ASTN2: variants seen among roughly 807,000 people sequenced by gnomAD.
The protein encoded by ASTN2 is astrotactin 2.
In ASTN2, 54 loss-of-function variants were observed where a neutral mutation model predicts 139.8. The observed-to-expected ratio is 0.39, with a 90% CI of 0.31 to 0.48. The LOEUF (loss-of-function observed/expected upper bound fraction) is 0.48. Ranked by LOEUF, ASTN2 falls within the 20% of genes least tolerant of loss-of-function variation. The probability of loss-of-function intolerance (pLI) is 0.95; values close to 1 mark genes in which losing one functional copy is unlikely to be tolerated. For synonymous variants in ASTN2, 756 were observed against 719.5 expected (o/e 1.05, Z -0.81); for missense variants, 1,565 against 1,725.1 (o/e 0.91, Z 1.64).
chr9:116,609,744 A>G (rs970346389), intron 19 of ASTN2, among the ~76,000 whole-genome samples: 8 of 152,066 alleles, frequency 5.3e-5, no homozygotes, highest in Admixed American at 1.3e-4. Context: ...ATAATTAAGA[A>G]AAAACAATAA....
rs755585069 is a variant in ASTN2 at position 116,765,401 on chromosome 9, G to A, written c.2397-31878C>T. Reference sequence around the variant, plus strand: ...AGCTCAGTACTTTCCTTAAGCCACCGCATTAGGGACTTGAAGTGTAAACTA... The same window carrying A: ...AGCTCAGTACTTTCCTTAAGCCACCACATTAGGGACTTGAAGTGTAAACTA... On this transcript the variant is annotated intron_variant, in intron 13 of 22. Transcript: ENST00000313400. Among the ~76,000 whole-genome samples, 19 of 152,112 alleles carry A rather than the reference G, an allele frequency of 1.2e-4. 1 individual carries two copies. Among genetic ancestry groups the A allele is most frequent in the Non-Finnish European group, 2.9e-5 (2 of 68,024 alleles).
intron 16 of ASTN2, among the ~76,000 whole-genome samples, chr9:116,703,175 C>G (rs1027390243): frequency 1.3e-5 from 2 of 151,482 alleles, no homozygotes; most frequent in South Asian, 4.2e-4. Flanking sequence ...GCCATTCTAA[C>G]TGGTGTGAGA....
In ASTN2 at chr9:116,898,307, G is replaced by T. The variant is rs1299182613; in HGVS notation, c.1890-34574C>A. On this transcript the variant is annotated intron_variant, in intron 10 of 22. Transcript: ENST00000313400. ...GCTTGTGGTCTCAGCTACTCGGGTG[G>T]CTAAGATGGGAGGATCACTTTAGCC... Among the ~76,000 whole-genome samples, 4 of 151,648 alleles carry T rather than the reference G, an allele frequency of 2.6e-5. No individual in the cohort carries two copies. In the East Asian group the frequency reaches 5.9e-4, roughly 22 times the overall value.
rs150987759 is a variant in ASTN2 at position 117,211,725 on chromosome 9, A to C, written c.1015+2633T>G. On this transcript the variant is annotated intron_variant, in intron 3 of 22. Transcript: ENST00000313400. The stretch of plus-strand genomic sequence containing the variant: ...GGAAAAGTTCTAGGATGCAAAATCA[A>C]CATATAAAAATTAGAAGCACTTCTA... Among the ~76,000 whole-genome samples the C allele has an allele frequency of 2.7e-3, 410 of 152,334 alleles. 3 individuals are homozygous for C. Among genetic ancestry groups the C allele is most frequent in the African/African-American group, 9.4e-3 (392 of 41,572 alleles).
chr9:116,899,606 T>C (rs1257748426), intron 10 of ASTN2, among the ~76,000 whole-genome samples: 1 of 152,210 alleles, frequency 6.6e-6, no homozygotes, highest in Non-Finnish European at 1.5e-5. Flanking sequence ...TGTTTATTCC[T>C]GGTGGAGGCT....
chr9:117,046,637 C>G (rs1838752196), intron 5 of ASTN2, among the ~76,000 whole-genome samples: 1 of 152,156 alleles, frequency 6.6e-6, no homozygotes, highest in East Asian at 1.9e-4. Flanking sequence ...TCCTAACTTT[C>G]ACACTTAGCT....
intron 1 of ASTN2, among the ~76,000 whole-genome samples, chr9:117,340,651 T>A (rs371166815): frequency 3.9e-5 from 6 of 152,174 alleles, no homozygotes; most frequent in African/African-American, 1.4e-4. Context: ...ATAAAATCAC[T>A]GTCACTGAGC....
At chr9:116,661,805 T>C (rs565306758) in intron 16 of ASTN2, among the ~76,000 whole-genome samples, 108 of 151,904 alleles carry the variant, frequency 7.1e-4, no homozygotes, top group African/African-American at 2.6e-3. Flanking sequence ...TAGGTGGGAA[T>C]TGAACAATGA....
intron 19 of ASTN2, among the ~76,000 whole-genome samples, chr9:116,596,230 G>C (rs931671474): frequency 9.2e-5 from 14 of 152,168 alleles, no homozygotes; most frequent in Admixed American, 3.3e-4. Context: ...TCTAAAATAG[G>C]CAAAGTCAAA....
chr9:116,731,398 A>AT (rs1828780523), intron 14 of ASTN2, among the ~76,000 whole-genome samples: 1 of 151,502 alleles, frequency 6.6e-6, no homozygotes, highest in Non-Finnish European at 1.5e-5. Flanking sequence ...ATCATACCCT[A>AT]TTTTTTTGTT....
At chr9:116,642,471 G>A (rs1216363918) in intron 17 of ASTN2, among the ~76,000 whole-genome samples, 1 of 151,962 alleles carries the variant, frequency 6.6e-6, no homozygotes, top group Non-Finnish European at 1.5e-5. Flanking sequence ...TGGCCAATAG[G>A]AGCCCCTTAG....
chr9:117,176,589 A>G (rs1469500232), intron 3 of ASTN2, among the ~76,000 whole-genome samples: 2 of 152,172 alleles, frequency 1.3e-5, no homozygotes, highest in African/African-American at 4.8e-5. Context: ...AAAAAAAAAG[A>G]TAGATATGAG....
intron 4 of ASTN2, among the ~76,000 whole-genome samples, chr9:117,101,674 A>G (rs1158585211): frequency 1.3e-5 from 2 of 152,228 alleles, no homozygotes; most frequent in Non-Finnish European, 1.5e-5. Flanking sequence ...TGGTGGACAA[A>G]TAAATATTCA....
At chr9:116,917,302 A>ATAATTGGTGAGTTTTTGAGT (rs1243855491) in intron 10 of ASTN2, among the ~76,000 whole-genome samples, 2 of 152,110 alleles carry the variant, frequency 1.3e-5, no homozygotes, top group Non-Finnish European at 1.5e-5. Context: ...GCAAGTATTA[A>ATAATTGGTGAGTTTTTGAGT]TAATTGGTGA....
intron 1 of ASTN2, among the ~76,000 whole-genome samples, chr9:117,385,431 C>G (rs1486252391): frequency 6.6e-6 from 1 of 151,938 alleles, no homozygotes; most frequent in Non-Finnish European, 1.5e-5. Context: ...GGATTTTAGA[C>G]AGAGAGAGAT....
chr9:117,346,010 C>CAAAAAAAAAAAGAAAAAAAAAAAAAA (rs1829204223), intron 1 of ASTN2, among the ~76,000 whole-genome samples: 1 of 92,338 alleles, frequency 1.1e-5, no homozygotes, highest in Non-Finnish European at 2.3e-5. Context: ...AACTAAGAGG[C>CAAAAAAAAAAAGAAAAAAAAAAAAAA]AAAAAAAAAA....
chr9:116,945,257 T>G (rs1469679978), intron 10 of ASTN2, among the ~76,000 whole-genome samples: 4 of 152,140 alleles, frequency 2.6e-5, no homozygotes, highest in Non-Finnish European at 4.4e-5. Flanking sequence ...CACAAATCAC[T>G]GGGAAGGAAA....
intron 12 of ASTN2, among the ~76,000 whole-genome samples, chr9:116,817,507 T>A (rs1385958976): frequency 6.6e-6 from 1 of 152,008 alleles, no homozygotes; most frequent in Non-Finnish European, 1.5e-5. Context: ...GAGGGAACAG[T>A]GTTGTGAAAA....
At chr9:117,014,140 A>G (rs1048126027) in intron 6 of ASTN2, among the ~76,000 whole-genome samples, 9 of 152,076 alleles carry the variant, frequency 5.9e-5, no homozygotes, top group Non-Finnish European at 1.2e-4. Context: ...CTTCCTGGAA[A>G]CAAGATGAAA....
Sources: gnomAD v4.1 joint callset for allele counts (sites outside exome capture counted in the v4.1 genomes callset) on GRCh38, gnomAD v4.1.1 for gene constraint, MANE v1.5 for transcripts, NCBI Gene and HGNC (gene_info 2026-07-23, HGNC 2026-07-21) for gene names.